The following CHSY3 variants were observed in gnomAD, a reference collection of about 807,000 sequenced individuals.
CHSY3 encodes N-acetylgalactosaminyl-proteoglycan 3-beta-glucuronosyltransferase 3.
In CHSY3, 35 loss-of-function variants were observed where a neutral mutation model predicts 67.2. The ratio of observed to expected loss-of-function variants is 0.52; its 90% CI spans 0.40 to 0.69. The LOEUF (loss-of-function observed/expected upper bound fraction) is 0.69, where lower values mean the gene tolerates loss of function less well. Among genes scored for constraint, CHSY3 ranks in the 30% least tolerant of loss-of-function variants. CHSY3 has a pLI of 0.00. For synonymous variants in CHSY3, 474 were observed against 434.7 expected, an observed-to-expected ratio of 1.09 and a Z score of -1.12; for missense variants, 1,069 against 1,138.5, an observed-to-expected ratio of 0.94 and a Z score of 0.88.
At chr5:130,059,986 G>T (rs143493432) in intron 2 of CHSY3, among the ~76,000 whole-genome samples, 1 of 151,132 alleles carries the variant, frequency 6.6e-6, no homozygotes, top group African/African-American at 2.4e-5. Flanking sequence ...AAGTGAAGAT[G>T]TACAAAAAAA....
chr5:130,171,394 C>G (rs988333731), intron 2 of CHSY3, among the ~76,000 whole-genome samples: 3 of 152,016 alleles, frequency 2.0e-5, no homozygotes. Context: ...TTTAAACTAA[C>G]AAATGATTAT....
At chr5:130,008,355 G>A (rs1291714956) in intron 2 of CHSY3, among the ~76,000 whole-genome samples, 1 of 152,214 alleles carries the variant, frequency 6.6e-6, no homozygotes, top group Non-Finnish European at 1.5e-5. Flanking sequence ...GACCAAGAGT[G>A]CTAAACTGAG....
At chr5:130,173,583 A>G in intron 2 of CHSY3, among the ~76,000 whole-genome samples, 1 of 152,164 alleles carries the variant, frequency 6.6e-6, no homozygotes, top group South Asian at 2.1e-4. Context: ...GATCAGATGT[A>G]TCTATTATCA....
chr5:130,077,729 C>T (rs989933131), intron 2 of CHSY3, among the ~76,000 whole-genome samples: 11 of 151,878 alleles, frequency 7.2e-5, no homozygotes, highest in Non-Finnish European at 1.2e-4. Flanking sequence ...ACTAGCGATC[C>T]TGTATCTCTT....
At chr5:130,008,385 T>C (rs568383764) in intron 2 of CHSY3, among the ~76,000 whole-genome samples, 26 of 152,236 alleles carry the variant, frequency 1.7e-4, no homozygotes, top group Non-Finnish European at 2.6e-4. Flanking sequence ...CCTGAAATCA[T>C]TGAGAAATGA....
chr5:130,113,705 C>A (rs1424549429), intron 2 of CHSY3, among the ~76,000 whole-genome samples: 2 of 152,130 alleles, frequency 1.3e-5, no homozygotes, highest in Non-Finnish European at 2.9e-5. Context: ...GACAGGTCTA[C>A]ATGAGAGACC....
intron 2 of CHSY3, among the ~76,000 whole-genome samples, chr5:129,966,722 T>G (rs1306491231): frequency 1.3e-5 from 2 of 151,760 alleles, no homozygotes; most frequent in African/African-American, 4.8e-5. Context: ...TTTTATCCAG[T>G]GTCTGCTCGA....
chr5:130,120,760 A>T (rs999792409), intron 2 of CHSY3, among the ~76,000 whole-genome samples: 1 of 152,168 alleles, frequency 6.6e-6, no homozygotes, highest in Non-Finnish European at 1.5e-5. Context: ...ACAATGAAAA[A>T]CAAAAAAGAG....
At chr5:129,998,737 T>A (rs1052651983) in intron 2 of CHSY3, among the ~76,000 whole-genome samples, 3 of 150,380 alleles carry the variant, frequency 2.0e-5, no homozygotes, top group East Asian at 2.0e-4. Context: ...AATCTATGTA[T>A]TTTTTTTTGC....
rs556189319 is a variant in CHSY3, at chr5:129,993,962, C to A, written c.1086+85602C>A. On this transcript the variant is annotated intron_variant, in intron 2 of 2. Transcript: ENST00000305031. Reference sequence around the variant, plus strand: ...TCTGTAAAGGATTTTATTTCTCCTTCACTTATGAAGCTTAGTTTGGCTGGA... The same window carrying A: ...TCTGTAAAGGATTTTATTTCTCCTTAACTTATGAAGCTTAGTTTGGCTGGA... 2.0e-3 allele frequency among the ~76,000 whole-genome samples: 309 copies of A among 152,222 alleles called. 3 individuals are homozygous for A. Among genetic ancestry groups the A allele is most frequent in the African/African-American group, 6.8e-3 (282 of 41,540 alleles).
chr5:130,020,439 ATATATATATATATATATATATATTTTTT>A (rs1227242205), intron 2 of CHSY3, among the ~76,000 whole-genome samples: 97 of 7,572 alleles, frequency 0.013, 1 homozygote, highest in Admixed American at 0.019. Flanking sequence ...ATATATATAT[ATATATATATATATATATATATATTTTTT>A]TTTTTTTTTT....
At chr5:129,959,836 AAGTGATGCGTATCTTT>A in intron 2 of CHSY3, among the ~76,000 whole-genome samples, 1 of 152,084 alleles carries the variant, frequency 6.6e-6, no homozygotes, top group African/African-American at 2.4e-5. Flanking sequence ...CTTTTATTGC[AAGTGATGCGTATCTTT>A]TTTTACTTGA....
At chr5:130,056,701 A>G (rs1278392030) in intron 2 of CHSY3, among the ~76,000 whole-genome samples, 1 of 152,128 alleles carries the variant, frequency 6.6e-6, no homozygotes, top group Non-Finnish European at 1.5e-5. Flanking sequence ...GATTTAGATC[A>G]TGGATAAAAT....
intron 2 of CHSY3, among the ~76,000 whole-genome samples, chr5:129,950,663 C>A (rs1316087585): frequency 2.6e-5 from 4 of 152,004 alleles, no homozygotes; most frequent in Non-Finnish European, 5.9e-5. Context: ...GAAAATAATT[C>A]CATTTATGAT....
chr5:130,028,159 AAAC>A (rs1193833490), intron 2 of CHSY3, among the ~76,000 whole-genome samples: 2 of 152,142 alleles, frequency 1.3e-5, no homozygotes, highest in Non-Finnish European at 2.9e-5. Context: ...GAATTGGAAA[AAAC>A]TACTTTAAAG....
intron 2 of CHSY3, among the ~76,000 whole-genome samples, chr5:129,954,345 G>GT (rs1235316966): frequency 6.6e-6 from 1 of 152,004 alleles, no homozygotes; most frequent in East Asian, 1.9e-4. Flanking sequence ...CTATATATCT[G>GT]TTTTGGTACC....
chr5:130,158,973 C>T (rs1769448650), intron 2 of CHSY3, among the ~76,000 whole-genome samples: 1 of 151,732 alleles, frequency 6.6e-6, no homozygotes, highest in African/African-American at 2.4e-5. Context: ...GCTAATTTTT[C>T]TATTTTTTGT....
chr5:130,096,353 A>G (rs560809641), intron 2 of CHSY3, among the ~76,000 whole-genome samples: 2 of 152,248 alleles, frequency 1.3e-5, no homozygotes. Context: ...TTGCATTTTT[A>G]GTAGAGACAG....
At chr5:129,918,823 A>AT (rs398109415) in intron 2 of CHSY3, among the ~76,000 whole-genome samples, 1 of 150,432 alleles carries the variant, frequency 6.6e-6, no homozygotes, top group African/African-American at 2.4e-5. Flanking sequence ...AAAAAAAAAA[A>AT]TTGGCCGGGC....
Sources: allele counts gnomAD v4.1 joint callset (sites outside exome capture counted in the v4.1 genomes callset), GRCh38; gene constraint gnomAD v4.1.1; transcripts MANE v1.5; gene names NCBI Gene and HGNC (gene_info 2026-07-23, HGNC 2026-07-21).